The following TTC28 variants were observed in gnomAD, a reference collection of about 807,000 sequenced individuals.
TTC28 encodes the protein tetratricopeptide repeat protein 28.
TTC28 carries 61 observed loss-of-function variants against 198.0 expected under a neutral mutation model. The ratio of observed to expected loss-of-function variants is 0.31; its 90% CI spans 0.25 to 0.38. The LOEUF (loss-of-function observed/expected upper bound fraction) is 0.38. TTC28 is among the 10% of genes least tolerant of loss of function. The pLI is 1.00. For missense variants in TTC28, 2,678 were observed against 3,164.0 expected (o/e 0.85, Z 3.69); for synonymous variants, 1,171 against 1,297.8 (o/e 0.90, Z 2.10).
chr22:28,106,966 G>C (rs1368110237), intron 7 of TTC28, 96 bp downstream of exon 7: 18 of 1,423,842 alleles, frequency 1.3e-5, no homozygotes, highest in Non-Finnish European at 1.7e-5. Flanking sequence ...AATGTTTGTA[G>C]TTAACAAACT....
At chr22:27,993,564 T>TTTGAGGGTCTCTGACCCA (rs1569072305) in intron 17 of TTC28, 46 bp from the exon 18 acceptor site, 23 of 1,493,162 alleles carry the variant, frequency 1.5e-5, no homozygotes, top group African/African-American at 2.8e-5. Flanking sequence ...CCAGCCCTGG[T>TTTGAGGGTCTCTGACCCA]TTCCATCCGC....
intron 2 of TTC28, among the ~76,000 whole-genome samples, chr22:28,407,378 C>T (rs2047013131): frequency 6.6e-6 from 1 of 152,124 alleles, no homozygotes; most frequent in African/African-American, 2.4e-5. Context: ...GAACAAAGGC[C>T]TTTCCCCAAC....
intron 10 of TTC28, among the ~76,000 whole-genome samples, chr22:28,097,042 T>C (rs1475256250): frequency 6.6e-6 from 1 of 152,146 alleles, no homozygotes; most frequent in Non-Finnish European, 1.5e-5. Flanking sequence ...TGGCCTCAAG[T>C]GATCCACCCG....
chr22:28,161,907 G>C (rs1237373544), intron 6 of TTC28, among the ~76,000 whole-genome samples: 1 of 140,838 alleles, frequency 7.1e-6, no homozygotes, highest in African/African-American at 2.6e-5. Flanking sequence ...AGGAAGGAGG[G>C]AGGGAGGGAG....
At chr22:28,212,070 G>A (rs1300713356) in intron 5 of TTC28, among the ~76,000 whole-genome samples, 1 of 152,118 alleles carries the variant, frequency 6.6e-6, no homozygotes, top group Non-Finnish European at 1.5e-5. Context: ...GATGTTCTTT[G>A]AAACCAATGA....
At chr22:28,539,960 T>TC (rs2049376647) in intron 2 of TTC28, among the ~76,000 whole-genome samples, 2 of 123,892 alleles carry the variant, frequency 1.6e-5, no homozygotes, top group African/African-American at 2.9e-5. Flanking sequence ...TTTTTTTTTT[T>TC]CTGAGACAGG....
chr22:28,673,568 C>T (rs2051925508), intron 1 of TTC28, among the ~76,000 whole-genome samples: 1 of 152,132 alleles, frequency 6.6e-6, no homozygotes, highest in Non-Finnish European at 1.5e-5. Flanking sequence ...TTTGCACTCA[C>T]AGAATTGCAT....
chr22:28,110,515 G>A (rs1401098837), intron 6 of TTC28, among the ~76,000 whole-genome samples: 2 of 152,064 alleles, frequency 1.3e-5, no homozygotes, highest in Non-Finnish European at 2.9e-5. Flanking sequence ...AATTCTTAAG[G>A]TGCTGGAAAT....
intron 14 of TTC28, among the ~76,000 whole-genome samples, chr22:28,008,912 G>A (rs1938027916): frequency 1.3e-5 from 2 of 152,312 alleles, no homozygotes; most frequent in South Asian, 4.1e-4. Context: ...ATCAGTCCAG[G>A]GCAAGAAGCA....
At chr22:28,338,188 TAG>T (rs2045764608) in intron 2 of TTC28, among the ~76,000 whole-genome samples, 1 of 152,240 alleles carries the variant, frequency 6.6e-6, no homozygotes, top group African/African-American at 2.4e-5. Context: ...TTCTGGCTTG[TAG>T]AGTTTCTGTC....
chr22:28,111,723 A>AC (rs1569145535), intron 6 of TTC28, among the ~76,000 whole-genome samples: 1 of 151,268 alleles, frequency 6.6e-6, no homozygotes, highest in African/African-American at 2.4e-5. Flanking sequence ...CTTTGCAGTG[A>AC]TTTTTTTTTC....
At chr22:28,578,215 T>C (rs2050180543) in intron 2 of TTC28, among the ~76,000 whole-genome samples, 1 of 152,160 alleles carries the variant, frequency 6.6e-6, no homozygotes, top group Non-Finnish European at 1.5e-5. Flanking sequence ...ACTGATTGCA[T>C]GAACATACAA....
At chr22:28,061,202 G>A (rs571126659) in intron 12 of TTC28, among the ~76,000 whole-genome samples, 1 of 152,168 alleles carries the variant, frequency 6.6e-6, no homozygotes, top group East Asian at 1.9e-4. Context: ...CTTTTGCTGT[G>A]CAGAAGCTCT....
At chr22:28,209,936 A>G (rs1444091902) in intron 5 of TTC28, among the ~76,000 whole-genome samples, 1 of 152,178 alleles carries the variant, frequency 6.6e-6, no homozygotes, top group Non-Finnish European at 1.5e-5. Context: ...TCTGAGACGA[A>G]GCTTCCAGAG....
intron 12 of TTC28, among the ~76,000 whole-genome samples, chr22:28,046,549 C>T (rs187318272): frequency 1.3e-4 from 20 of 152,322 alleles, no homozygotes; most frequent in Admixed American, 1.0e-3. Context: ...TTATGTGGTA[C>T]ATGACTATTT....
intron 13 of TTC28, among the ~76,000 whole-genome samples, chr22:28,016,064 G>T (rs1002398626): frequency 6.6e-6 from 1 of 152,036 alleles, no homozygotes; most frequent in Non-Finnish European, 1.5e-5. Context: ...AAATTCTAGG[G>T]TCATGCCAAG....
chr22:28,247,553 G>A (rs1017702400), intron 5 of TTC28, among the ~76,000 whole-genome samples: 53 of 152,290 alleles, frequency 3.5e-4, no homozygotes, highest in African/African-American at 1.3e-3. Context: ...ACTACAGTGG[G>A]ATCAGAGCTA....
chr22:28,102,525 T>A (rs1249397581), intron 8 of TTC28, among the ~76,000 whole-genome samples: 1 of 152,188 alleles, frequency 6.6e-6, no homozygotes, highest in Non-Finnish European at 1.5e-5. Flanking sequence ...GTTCTCAGCA[T>A]CACTTTGCCC....
chr22:27,983,062 C>T lies in TTC28; in HGVS notation c.6605G>A (p.Ser2202Asn). The change falls in exon 23 of 23, where the codon AGC (serine) becomes AAC (asparagine). Residue 2202 changes from serine to asparagine, a missense_variant. Physicochemically the swap from Ser to Asn is conservative, Grantham distance 46. Transcript: ENST00000397906. Reference sequence around the variant, plus strand: ...TTCTGACGCTCTGAAGACAGCAGTGCTGCTGGGCGCCTGAACGCCGTCTTC... The same window carrying T: ...TTCTGACGCTCTGAAGACAGCAGTGTTGCTGGGCGCCTGAACGCCGTCTTC... The part of the protein sequence containing the change: ...NPEDGVQAPS[S>N]TAVFRASETS... 1 of 1,551,752 alleles carries T rather than the reference C, an allele frequency of 6.4e-7. No homozygotes were observed. The highest frequency in any genetic ancestry group is 1.7e-4 in the Middle Eastern group (1 of 5,992).
Sources: allele counts gnomAD v4.1 joint callset (sites outside exome capture counted in the v4.1 genomes callset), GRCh38; gene constraint gnomAD v4.1.1; transcripts MANE v1.5; gene names NCBI Gene and HGNC (gene_info 2026-07-23, HGNC 2026-07-21).